The following SLIT3 variants were observed in gnomAD, a reference collection of about 807,000 sequenced individuals.
SLIT3 encodes the protein slit guidance ligand 3, also known as slit homolog 3 protein.
SLIT3 carries 68 observed loss-of-function variants against 184.0 expected under a neutral mutation model. The ratio of observed to expected loss-of-function variants is 0.37; its 90% CI spans 0.30 to 0.45. SLIT3 has a LOEUF of 0.45. SLIT3 is among the 20% of genes least tolerant of loss of function. SLIT3 has a pLI of 1.00. For missense variants in SLIT3, 1,707 were observed against 2,026.0 expected (o/e 0.84, Z 3.02); for synonymous variants, 831 against 828.6 (o/e 1.00, Z -0.05).
intron 3 of SLIT3, among the ~76,000 whole-genome samples, chr5:169,200,631 AAGATGTAC>A (rs1449304850): frequency 6.6e-6 from 1 of 152,196 alleles, no homozygotes; most frequent in East Asian, 1.9e-4. Flanking sequence ...ATCAACTATG[AAGATGTAC>A]AGATGTCACT....
At chr5:169,115,237 GT>G (rs1278352984) in intron 4 of SLIT3, among the ~76,000 whole-genome samples, 1 of 152,156 alleles carries the variant, frequency 6.6e-6, no homozygotes, top group East Asian at 1.9e-4. Flanking sequence ...AATTTATAAA[GT>G]CAGAGCCAGA....
intron 4 of SLIT3, among the ~76,000 whole-genome samples, chr5:169,043,254 G>C (rs1454269052): frequency 6.6e-6 from 1 of 152,202 alleles, no homozygotes; most frequent in African/African-American, 2.4e-5. Context: ...TTTAGGTCTT[G>C]TTAGTAATTA....
chr5:168,925,191 A>G (rs1005974051), intron 4 of SLIT3, among the ~76,000 whole-genome samples: 4 of 152,222 alleles, frequency 2.6e-5, no homozygotes, highest in Admixed American at 1.3e-4. Context: ...GCAAAAGACA[A>G]ACTTGTACAT....
intron 11 of SLIT3, among the ~76,000 whole-genome samples, chr5:168,787,285 G>A (rs1034271363): frequency 3.9e-5 from 6 of 152,156 alleles, no homozygotes; most frequent in East Asian, 1.9e-4. Context: ...CAGAAGCCAC[G>A]GGGCTTGGGG....
chr5:169,178,595 G>T (rs297872), intron 4 of SLIT3, among the ~76,000 whole-genome samples: 4,061 of 152,094 alleles, frequency 0.027, 161 homozygotes, highest in East Asian at 0.081. Flanking sequence ...ACACACACAC[G>T]ATTCTTATTT....
rs138307962 is a variant in SLIT3 at position 168,749,564 on chromosome 5, C to G, written c.2045G>C (p.Arg682Pro). ...GCACCTAGGGTTCCCACTGACGATC[C>G]GCCTCTTCCTCAACCACTTGCCGAG... ...AWLGKWLRKR[R>P]IVSGNPRCQK... is the part of the protein sequence containing the mutation. Residue 682 changes from arginine (R) to proline (P), a missense_variant, in exon 19 of 36, where the codon CGG (arginine) becomes CCG (proline). This residue lies in a region of SLIT3 where 1,307 missense variants were observed against 1,511.6 expected (regional missense o/e 0.86). Coordinates refer to ENST00000519560, the MANE Select transcript of SLIT3 (RefSeq NM_003062.4). The G allele has an allele frequency of 1.2e-6, 2 of 1,614,200 alleles. No individual in the cohort carries two copies. The highest frequency in any genetic ancestry group is 8.5e-7 in the Non-Finnish European group (1 of 1,180,024).
At chr5:168,889,100 C>T (rs1278248917) in intron 4 of SLIT3, among the ~76,000 whole-genome samples, 2 of 152,150 alleles carry the variant, frequency 1.3e-5, no homozygotes, top group African/African-American at 2.4e-5. Context: ...AAGGGAAAGA[C>T]ACTGTTTTGC....
At chr5:168,898,375 T>C (rs1312799309) in intron 4 of SLIT3, among the ~76,000 whole-genome samples, 1 of 144,934 alleles carries the variant, frequency 6.9e-6, no homozygotes, top group Non-Finnish European at 1.5e-5. Flanking sequence ...GATGAATCTA[T>C]AGCATTTTTA....
chr5:168,884,343 CG>C (rs757688730), intron 4 of SLIT3, among the ~76,000 whole-genome samples: 1 of 149,942 alleles, frequency 6.7e-6, no homozygotes, highest in Non-Finnish European at 1.5e-5. Context: ...ATGGCGTGGT[CG>C]GGGGGTGCAG....
intron 4 of SLIT3, among the ~76,000 whole-genome samples, chr5:169,116,294 G>C (rs1395948180): frequency 6.6e-6 from 1 of 152,188 alleles, no homozygotes; most frequent in Non-Finnish European, 1.5e-5. Context: ...AGGCCCAAGA[G>C]CTCAATGGTC....
chr5:169,085,638 A>G, intron 4 of SLIT3, among the ~76,000 whole-genome samples: 1 of 152,230 alleles, frequency 6.6e-6, no homozygotes, highest in East Asian at 1.9e-4. Context: ...GTGAATCAGA[A>G]CTGTTTGGTG....
At chr5:169,051,936 C>T (rs1757830026) in intron 4 of SLIT3, among the ~76,000 whole-genome samples, 1 of 152,260 alleles carries the variant, frequency 6.6e-6, no homozygotes, top group South Asian at 2.1e-4. Flanking sequence ...CTACAGAATC[C>T]ATCATCTGCA....
intron 5 of SLIT3, among the ~76,000 whole-genome samples, chr5:168,849,631 A>T (rs1181204918): frequency 6.6e-6 from 1 of 152,186 alleles, no homozygotes; most frequent in Non-Finnish European, 1.5e-5. Flanking sequence ...AAAGTATAAG[A>T]CACGCTTTGA....
At chr5:168,813,534 AG>A (rs1757235443) in intron 8 of SLIT3, among the ~76,000 whole-genome samples, 1 of 152,182 alleles carries the variant, frequency 6.6e-6, no homozygotes, top group Admixed American at 6.5e-5. Context: ...TGTATAACAT[AG>A]GGAAAAAAGT....
At chr5:168,702,830 G>A (rs528442043) in intron 26 of SLIT3, among the ~76,000 whole-genome samples, 5 of 152,226 alleles carry the variant, frequency 3.3e-5, no homozygotes, top group African/African-American at 9.6e-5. Context: ...CCAACACATG[G>A]ACCGTGAAGG....
At chr5:169,028,130 T>C (rs1756896093) in intron 4 of SLIT3, among the ~76,000 whole-genome samples, 1 of 152,168 alleles carries the variant, frequency 6.6e-6, no homozygotes, top group South Asian at 2.1e-4. Flanking sequence ...CTTGGTTTTC[T>C]GAGTTTAATC....
chr5:169,201,032 C>T (rs1763891177), intron 3 of SLIT3, among the ~76,000 whole-genome samples: 1 of 152,138 alleles, frequency 6.6e-6, no homozygotes, highest in East Asian at 1.9e-4. Flanking sequence ...GGACAAGCAG[C>T]TTCATTGAGA....
intron 4 of SLIT3, among the ~76,000 whole-genome samples, chr5:169,132,054 C>A (rs902180608): frequency 6.6e-6 from 1 of 152,188 alleles, no homozygotes; most frequent in Non-Finnish European, 1.5e-5. Flanking sequence ...ATTCTGCCTT[C>A]CTCAGGACTC....
intron 4 of SLIT3, among the ~76,000 whole-genome samples, chr5:169,006,632 A>ACACACACACACAC (rs752430679): frequency 4.1e-4 from 54 of 133,026 alleles, no homozygotes; most frequent in Middle Eastern, 3.5e-3. Flanking sequence ...CACACACACA[A>ACACACACACACAC]CTCTCCAAGC....
Sources: allele counts gnomAD v4.1 joint callset (sites outside exome capture counted in the v4.1 genomes callset), GRCh38; gene constraint gnomAD v4.1.1; regional missense constraint gnomAD v4.1.1; transcripts MANE v1.5; gene names NCBI Gene and HGNC (gene_info 2026-07-23, HGNC 2026-07-21).